MED16: variants seen among roughly 807,000 people sequenced by gnomAD.
MED16 encodes mediator complex subunit 16.
In MED16, 81 loss-of-function variants were observed where a neutral mutation model predicts 84.4. The observed-to-expected ratio is 0.96, with a 90% CI of 0.80 to 1.15. The LOEUF is 1.15. MED16 is among the 50% of genes most tolerant of loss of function. MED16 has a pLI of 0.00. For missense variants in MED16, 1,585 were observed against 1,245.9 expected, an observed-to-expected ratio of 1.27 and a Z score of -4.10; for synonymous variants, 897 against 552.2, an observed-to-expected ratio of 1.62 and a Z score of -8.76.
intron 5 of MED16, among the ~76,000 whole-genome samples, chr19:885,262 G>A (rs2036502225): frequency 1.3e-5 from 2 of 152,186 alleles, no homozygotes; most frequent in African/African-American, 4.8e-5. Flanking sequence ...CCAAGTCAGG[G>A]GCTTCAAGGA....
chr19:872,296 C>T (rs981038528), intron 11 of MED16, among the ~76,000 whole-genome samples, 178 bp from the exon 12 acceptor site: 1 of 151,972 alleles, frequency 6.6e-6, no homozygotes, highest in African/African-American at 2.4e-5. Flanking sequence ...GGACGCTGCT[C>T]AGAGCCCTGC....
At chr19:870,930 C>A in intron 13 of MED16, 107 bp downstream of exon 13, 6 of 1,162,664 alleles carry the variant, frequency 5.2e-6, no homozygotes, top group Non-Finnish European at 7.2e-6. Context: ...TTCGGGGGGA[C>A]CTGGGGCAGG....
intron 4 of MED16, among the ~76,000 whole-genome samples, chr19:888,360 A>G (rs1388828992): frequency 6.6e-6 from 1 of 151,186 alleles, no homozygotes; most frequent in African/African-American, 2.4e-5. Flanking sequence ...CGTCTCTACT[A>G]AAAAATTACA....
chr19:869,098 G>C, intron 13 of MED16, 152 bp from the exon 14 acceptor site: 1 of 681,056 alleles, frequency 1.5e-6, no homozygotes, highest in Non-Finnish European at 2.4e-6. Flanking sequence ...TGAGGTGGGA[G>C]GTGCGGGACC....
chr19:877,720 C>A (rs1339378460), intron 8 of MED16, among the ~76,000 whole-genome samples: 3 of 136,442 alleles, frequency 2.2e-5, no homozygotes, highest in African/African-American at 2.8e-5. Flanking sequence ...CCAGCCCCTG[C>A]CCCACGTGCC....
rs2036594034 is a variant in MED16, at chr19:889,671, G to A, written c.414C>T (p.His138=). The change falls in exon 4 of 16, where the codon CAC becomes CAT. Residue 138 remains histidine (H), a synonymous_variant. Coordinates refer to ENST00000325464, the MANE Select transcript of MED16 (RefSeq NM_005481.3). ...GDPIVALSWL[H]NGVKLALHVE... ...CGTGCAGGGCCAGTTTCACACCATT[G>A]TGCAGCCAGGACAGGGCCACAATGG... 1.9e-6 allele frequency: 3 copies of A among 1,613,588 alleles called. No individual in the cohort carries two copies.
At position 884,081 on chromosome 19, in the gene MED16, G is replaced by A. The variant is rs935132928; in HGVS notation, c.985+822C>T. 3.9e-5 allele frequency among the ~76,000 whole-genome samples: 6 copies of A among 152,260 alleles called. No homozygotes were observed. The East Asian group carries it at 1.2e-3, about 29-fold the overall frequency. Reference sequence around the variant, plus strand: ...ACACGTGCTCATTAGTGGCTTCTGAGGAGCGCCTGCCCCACCTGCCCCACG... The same window carrying A: ...ACACGTGCTCATTAGTGGCTTCTGAAGAGCGCCTGCCCCACCTGCCCCACG... On this transcript the variant is annotated intron_variant, in intron 6 of 15. Coordinates refer to ENST00000325464, the MANE Select transcript of MED16 (RefSeq NM_005481.3).
At chr19:875,551 C>A in intron 9 of MED16, 97 bp from the exon 10 acceptor site, 1 of 983,198 alleles carries the variant, frequency 1.0e-6, no homozygotes, top group South Asian at 1.6e-5. Context: ...TGACACCAGG[C>A]GCTCGGTCAG....
chr19:876,872 C>T (rs948736749), intron 9 of MED16, 102 bp downstream of exon 9: 8 of 1,208,588 alleles, frequency 6.6e-6, no homozygotes, highest in Non-Finnish European at 9.0e-6. Flanking sequence ...GGACCACCTG[C>T]CACGGGGCCC....
intron 4 of MED16, among the ~76,000 whole-genome samples, chr19:889,406 A>AT (rs2036589043): frequency 6.6e-6 from 1 of 152,190 alleles, no homozygotes; most frequent in Non-Finnish European, 1.5e-5. Flanking sequence ...CTGAACACGC[A>AT]GGTGCCAATG....
At chr19:873,231 G>C (rs1226032685) in intron 11 of MED16, among the ~76,000 whole-genome samples, 1 of 146,646 alleles carries the variant, frequency 6.8e-6, no homozygotes, top group Non-Finnish European at 1.5e-5. Context: ...TCAGGAAGTG[G>C]GACTCCAAGT....
intron 1 of MED16, among the ~76,000 whole-genome samples, 152 bp from the exon 2 acceptor site, chr19:891,301 G>A (rs564563035): frequency 6.6e-6 from 1 of 152,214 alleles, no homozygotes; most frequent in Non-Finnish European, 1.5e-5. Context: ...TGGGGCTGGG[G>A]CCGAGGGGGA....
intron 1 of MED16, chr19:892,737 A>AC (rs1215942242): frequency 1.3e-5 from 2 of 148,766 alleles, no homozygotes; most frequent in Non-Finnish European, 3.0e-5. Flanking sequence ...CACCCCGGCG[A>AC]CCCCAAACCC....
intron 5 of MED16, 130 bp from the exon 6 acceptor site, chr19:885,138 G>A (rs900314276): frequency 8.0e-5 from 53 of 662,706 alleles, no homozygotes; most frequent in Admixed American, 2.0e-4. Context: ...CCTGCCCCTC[G>A]GGCCCTCCTG....
At chr19:882,195 A>T (rs929963854) in intron 6 of MED16, among the ~76,000 whole-genome samples, 6 of 152,222 alleles carry the variant, frequency 3.9e-5, no homozygotes, top group Non-Finnish European at 8.8e-5. Flanking sequence ...ACTTCTGGGA[A>T]TCTCAGGCCA....
At chr19:886,266 A>G (rs1424827564) in intron 4 of MED16, 65 bp from the exon 5 acceptor site, 3 of 1,367,144 alleles carry the variant, frequency 2.2e-6, no homozygotes, top group Non-Finnish European at 1.9e-6. Context: ...CATGACCCCC[A>G]GAAACACGCG....
At chr19:872,998 GGTGGGGGAGGGCTCC>G (rs2036124459) in intron 11 of MED16, 1 of 189,480 alleles carries the variant, frequency 5.3e-6, no homozygotes, top group African/African-American at 4.9e-5. Context: ...AGGGCTCCGA[GGTGGGGGAGGGCTCC>G]GAGGTGGGGC....
At chr19:885,701 C>T (rs1360321470) in intron 5 of MED16, 69 bp downstream of exon 5, 3 of 1,554,350 alleles carry the variant, frequency 1.9e-6, no homozygotes, top group African/African-American at 2.7e-5. Context: ...GGTCTCCACC[C>T]CCAGGACCCT....
chr19:876,067 G>A (rs945221953), intron 9 of MED16, among the ~76,000 whole-genome samples: 4 of 152,218 alleles, frequency 2.6e-5, no homozygotes, highest in Admixed American at 2.6e-4. Context: ...TCCCAGCCAC[G>A]CTGGGGTTTA....
Sources: allele counts gnomAD v4.1 joint callset (sites outside exome capture counted in the v4.1 genomes callset), GRCh38; gene constraint gnomAD v4.1.1; transcripts MANE v1.5; gene names NCBI Gene and HGNC (gene_info 2026-07-23, HGNC 2026-07-21).